The following DPP6 variants were observed in gnomAD, a reference collection of about 807,000 sequenced individuals.
DPP6 encodes the protein dipeptidyl peptidase like 6.
Under a neutral mutation model 122.6 loss-of-function variants are expected in DPP6, and 69 were observed. The ratio of observed to expected loss-of-function variants is 0.56; its 90% CI spans 0.46 to 0.69. The LOEUF is 0.69. Ranked by LOEUF, DPP6 falls within the 30% of genes least tolerant of loss-of-function variation. DPP6 has a pLI of 0.00. For missense variants in DPP6, 928 were observed against 1,116.9 expected (o/e 0.83, Z 2.41); for synonymous variants, 418 against 433.1 (o/e 0.97, Z 0.43).
chr7:154,430,431 TG>T (rs1818263121), intron 1 of DPP6, among the ~76,000 whole-genome samples: 2 of 152,180 alleles, frequency 1.3e-5, no homozygotes, highest in African/African-American at 4.8e-5. Context: ...TGGTCAGGTC[TG>T]GTTTGTAGAT....
intron 1 of DPP6, among the ~76,000 whole-genome samples, chr7:154,160,604 G>A (rs1162656346): frequency 3.3e-5 from 5 of 152,246 alleles, no homozygotes; most frequent in South Asian, 2.1e-4. Context: ...CACTTGGTTG[G>A]CCCTCATTCA....
intron 1 of DPP6, among the ~76,000 whole-genome samples, chr7:154,119,576 G>A (rs978881914): frequency 1.3e-5 from 2 of 149,350 alleles, no homozygotes; most frequent in African/African-American, 4.9e-5. Flanking sequence ...TCGCCACCTT[G>A]AAGTCATCTC....
chr7:154,126,034 C>T (rs1327701189), intron 1 of DPP6, among the ~76,000 whole-genome samples: 3 of 152,160 alleles, frequency 2.0e-5, no homozygotes, highest in Admixed American at 6.5e-5. Context: ...CCATTCATTA[C>T]GTGCTCACTG....
At chr7:154,622,260 A>G (rs536095703) in intron 5 of DPP6, among the ~76,000 whole-genome samples, 1 of 152,254 alleles carries the variant, frequency 6.6e-6, no homozygotes, top group Admixed American at 6.5e-5. Context: ...TACATTTGCT[A>G]CTGGCAGCTC....
rs985717238 is a variant in DPP6, at chr7:154,481,763, T to A, written c.457+6726T>A. ...CTCCTAGTCACCACCCTGCATGTTA[T>A]CTTTTTCCTTTAAGTTGCTCCCTAA... On this transcript the variant is annotated intron_variant, in intron 3 of 25. Transcript: ENST00000377770. The surrounding 1 kb of genome is among the most constrained non-coding windows in gnomAD (Gnocchi z 4.2). Among the ~76,000 whole-genome samples the A allele has an allele frequency of 6.6e-6, 1 of 152,188 alleles. No individual in the cohort carries two copies. The highest frequency in any genetic ancestry group is 2.4e-5 in the African/African-American group (1 of 41,444).
the DPP6 span, among the ~76,000 whole-genome samples, chr7:153,768,645 A>G: frequency 0.44 from 66,982 of 151,848 alleles, 15,097 homozygotes; most frequent in South Asian, 0.54. Context: ...CTTATTGGCC[A>G]TGTATATTGT....
At chr7:153,755,141 T>C in the DPP6 span, among the ~76,000 whole-genome samples, 1 of 151,982 alleles carries the variant, frequency 6.6e-6, no homozygotes, top group Non-Finnish European at 1.5e-5. Context: ...GTTTTGTTTC[T>C]CTGATGATTT....
intron 1 of DPP6, among the ~76,000 whole-genome samples, chr7:154,157,869 G>T (rs1179789233): frequency 6.6e-6 from 1 of 151,760 alleles, no homozygotes; most frequent in Non-Finnish European, 1.5e-5. Context: ...GGAGGCAGAG[G>T]TTGCGGTGAG....
intron 5 of DPP6, among the ~76,000 whole-genome samples, chr7:154,613,619 CAAAAAAAAAAAAAAAAAA>C (rs749561005): frequency 1.7e-4 from 9 of 51,830 alleles, no homozygotes; most frequent in East Asian, 6.4e-4. Context: ...GACTCTGTCT[CAAAAAAAAAAAAAAAAAA>C]AAAAAAAAAA....
intron 1 of DPP6, among the ~76,000 whole-genome samples, chr7:154,270,491 C>T (rs1803713437): frequency 6.6e-6 from 1 of 152,088 alleles, no homozygotes; most frequent in Non-Finnish European, 1.5e-5. Context: ...ACCATGGGCT[C>T]CAGCTCACCA....
At chr7:154,292,235 G>A (rs1365612331) in intron 1 of DPP6, among the ~76,000 whole-genome samples, 1 of 152,050 alleles carries the variant, frequency 6.6e-6, no homozygotes, top group African/African-American at 2.4e-5. Context: ...GATTAGGCAA[G>A]GAAAATATAT....
chr7:154,834,311 C>CAAAAAAA (rs3054390), intron 16 of DPP6, among the ~76,000 whole-genome samples: 3 of 134,544 alleles, frequency 2.2e-5, no homozygotes, highest in African/African-American at 2.7e-5. Flanking sequence ...CTACTAAATA[C>CAAAAAAA]AAAAAAAAAA....
chr7:153,928,395 C>CTTTTTTTTTTTTTTTTTTTTTTTTTTTT (rs1467865041), intron 1 of DPP6, among the ~76,000 whole-genome samples: 6 of 29,992 alleles, frequency 2.0e-4, no homozygotes, highest in Non-Finnish European at 3.3e-4. Context: ...TCTTTTCTTT[C>CTTTTTTTTTTTTTTTTTTTTTTTTTTTT]ATTTTTTTTT....
At chr7:154,734,218 C>T (rs1842473476) in intron 8 of DPP6, among the ~76,000 whole-genome samples, 1 of 152,264 alleles carries the variant, frequency 6.6e-6, no homozygotes. Context: ...CTTGTGTGCT[C>T]CTGGCTTCGC....
At chr7:154,837,249 ATTCACACAT>A (rs1244598855) in intron 16 of DPP6, among the ~76,000 whole-genome samples, 2 of 149,762 alleles carry the variant, frequency 1.3e-5, no homozygotes, top group Non-Finnish European at 2.9e-5. Context: ...CATAAGGCAC[ATTCACACAT>A]GCACACACAT....
At chr7:153,790,140 A>G in the DPP6 span, among the ~76,000 whole-genome samples, 1 of 152,288 alleles carries the variant, frequency 6.6e-6, no homozygotes, top group Middle Eastern at 3.4e-3. Context: ...AATAAAAACT[A>G]TGACTGAAAA....
chr7:153,856,649 A>G, the DPP6 span, among the ~76,000 whole-genome samples: 1 of 152,122 alleles, frequency 6.6e-6, no homozygotes, highest in African/African-American at 2.4e-5. Context: ...GAGTTTACTT[A>G]CCTCTGAGCC....
At chr7:154,658,355 T>A (rs543799473) in intron 6 of DPP6, among the ~76,000 whole-genome samples, 1 of 152,188 alleles carries the variant, frequency 6.6e-6, no homozygotes, top group East Asian at 1.9e-4. Flanking sequence ...ATATAAAGCT[T>A]ATTAATTAAA....
At chr7:154,150,722 G>A (rs1161182960) in intron 1 of DPP6, among the ~76,000 whole-genome samples, 1 of 152,186 alleles carries the variant, frequency 6.6e-6, no homozygotes, top group Non-Finnish European at 1.5e-5. Flanking sequence ...TTCCTGGAGC[G>A]CTGGCCCAGG....
Sources: allele counts gnomAD v4.1 joint callset (sites outside exome capture counted in the v4.1 genomes callset), GRCh38; gene constraint gnomAD v4.1.1; non-coding constraint Gnocchi (gnomAD v3.1); transcripts MANE v1.5; gene names NCBI Gene and HGNC (gene_info 2026-07-23, HGNC 2026-07-21).